CCDC178: variants seen among roughly 807,000 people sequenced by gnomAD.
The protein encoded by CCDC178 is coiled-coil domain containing 178, also known as coiled-coil domain-containing protein 178.
A neutral mutation model predicts 117.4 loss-of-function variants in CCDC178; 126 were observed. The observed-to-expected ratio is 1.07, with a 90% CI of 0.93 to 1.24. The LOEUF (loss-of-function observed/expected upper bound fraction) is 1.24. CCDC178 is among the 50% of genes most tolerant of loss of function. CCDC178 has a pLI of 0.00. For missense variants in CCDC178, 1,030 were observed against 986.9 expected (o/e 1.04, Z -0.59); for synonymous variants, 283 against 313.4 (o/e 0.90, Z 1.02).
At chr18:33,244,293 T>C (rs2059521663) in intron 15 of CCDC178, among the ~76,000 whole-genome samples, 1 of 151,856 alleles carries the variant, frequency 6.6e-6, no homozygotes, top group South Asian at 2.1e-4. Flanking sequence ...GACACGTATG[T>C]GTGTAAGATG....
intron 12 of CCDC178, among the ~76,000 whole-genome samples, chr18:33,280,208 C>G (rs2060004985): frequency 6.6e-6 from 1 of 152,060 alleles, no homozygotes; most frequent in Non-Finnish European, 1.5e-5. Flanking sequence ...ATTCATCTGA[C>G]AAAGGGCTAA....
intron 20 of CCDC178, among the ~76,000 whole-genome samples, chr18:33,130,966 T>C (rs554667404): frequency 2.6e-5 from 4 of 151,926 alleles, no homozygotes; most frequent in Non-Finnish European, 4.4e-5. Context: ...TTAGCTGGGA[T>C]GGGGAAGGCA....
chr18:32,987,511 A>C (rs568447426), intron 21 of CCDC178, among the ~76,000 whole-genome samples: 16 of 152,252 alleles, frequency 1.1e-4, no homozygotes, highest in African/African-American at 3.1e-4. Flanking sequence ...TCTAGCATAT[A>C]TATGTATATA....
At position 33,391,094 on chromosome 18, in the gene CCDC178, A is replaced by T. The variant is rs193083879; in HGVS notation, c.119-1465T>A. On this transcript the variant is annotated intron_variant, in intron 4 of 22. Coordinates refer to ENST00000383096, the MANE Select transcript of CCDC178 (RefSeq NM_001105528.4). ...AAATAGCTATTATAATATATAAATG[A>T]CTAAATTTACCCAAAAAGAACCAAA... Among the ~76,000 whole-genome samples the T allele has an allele frequency of 1.4e-3, 205 of 151,418 alleles. 1 individual carries two copies. Among genetic ancestry groups the T allele is most frequent in the African/African-American group, 4.5e-3 (188 of 41,512 alleles).
chr18:33,197,343 C>A (rs946505598), intron 20 of CCDC178, among the ~76,000 whole-genome samples: 1 of 152,042 alleles, frequency 6.6e-6, no homozygotes, highest in African/African-American at 2.4e-5. Flanking sequence ...GATCTTAGTA[C>A]CCAAAGAACA....
chr18:33,148,273 A>C (rs964476591), intron 20 of CCDC178, among the ~76,000 whole-genome samples: 6 of 152,142 alleles, frequency 3.9e-5, no homozygotes, highest in African/African-American at 9.7e-5. Context: ...AAAATATGAA[A>C]ACCAGTCAGG....
chr18:33,422,505 T>A (rs963124092), intron 2 of CCDC178, among the ~76,000 whole-genome samples: 1 of 152,188 alleles, frequency 6.6e-6, no homozygotes, highest in African/African-American at 2.4e-5. Flanking sequence ...AATAGAACTT[T>A]CATGATGAAA....
chr18:33,431,062 G>T (rs1227929814), intron 2 of CCDC178, among the ~76,000 whole-genome samples: 3 of 135,408 alleles, frequency 2.2e-5, no homozygotes, highest in African/African-American at 8.2e-5. Context: ...GCAACCGTGC[G>T]AGACTACGTC....
intron 10 of CCDC178, among the ~76,000 whole-genome samples, chr18:33,326,608 C>T (rs2062587974): frequency 6.6e-6 from 1 of 152,168 alleles, no homozygotes; most frequent in Admixed American, 6.5e-5. Context: ...AAGGGATTCC[C>T]AGAGTTGTTT....
intron 20 of CCDC178, among the ~76,000 whole-genome samples, chr18:33,199,571 T>C (rs1176366629): frequency 1.3e-5 from 2 of 152,230 alleles, no homozygotes; most frequent in African/African-American, 2.4e-5. Context: ...TTCTAACTTG[T>C]TGTCATCTGG....
chr18:33,157,971 T>C (rs1366145925), intron 20 of CCDC178, among the ~76,000 whole-genome samples: 1 of 152,118 alleles, frequency 6.6e-6, no homozygotes, highest in African/African-American at 2.4e-5. Flanking sequence ...CTTTTTCTTT[T>C]CCACTGGATT....
intron 19 of CCDC178, among the ~76,000 whole-genome samples, chr18:33,215,278 A>C (rs558570853): frequency 3.3e-5 from 5 of 152,064 alleles, no homozygotes; most frequent in Admixed American, 6.6e-5. Flanking sequence ...GAATATTATT[A>C]ATGTCATAAA....
intron 12 of CCDC178, among the ~76,000 whole-genome samples, chr18:33,270,233 T>C (rs771176943): frequency 6.6e-6 from 1 of 151,402 alleles, no homozygotes; most frequent in Non-Finnish European, 1.5e-5. Context: ...AGATTCATAG[T>C]TGTGTGACAT....
chr18:33,190,728 G>C (rs2058847533), intron 20 of CCDC178, among the ~76,000 whole-genome samples: 1 of 152,166 alleles, frequency 6.6e-6, no homozygotes, highest in African/African-American at 2.4e-5. Context: ...TCATACTGGA[G>C]AAGCTAAGTG....
chr18:33,115,729 C>T (rs936471122), intron 20 of CCDC178, among the ~76,000 whole-genome samples: 1 of 151,910 alleles, frequency 6.6e-6, no homozygotes, highest in African/African-American at 2.4e-5. Context: ...CTATAGTGAC[C>T]ATAGTAGTTC....
intron 21 of CCDC178, among the ~76,000 whole-genome samples, chr18:33,007,680 C>A (rs989119469): frequency 6.6e-6 from 1 of 152,050 alleles, no homozygotes; most frequent in South Asian, 2.1e-4. Context: ...AAGACTGCAC[C>A]TAAGTACATA....
chr18:33,185,850 C>T (rs561357057), intron 20 of CCDC178, among the ~76,000 whole-genome samples: 15 of 151,914 alleles, frequency 9.9e-5, no homozygotes, highest in Admixed American at 7.2e-4. Flanking sequence ...TAGTTTCCAA[C>T]GTTATTTTCT....
chr18:33,087,895 C>T (rs2057405155), intron 21 of CCDC178, among the ~76,000 whole-genome samples: 1 of 151,866 alleles, frequency 6.6e-6, no homozygotes, highest in South Asian at 2.1e-4. Context: ...CTAAGCACAT[C>T]GATACAAAGT....
chr18:33,429,614 C>T (rs1000107950), intron 2 of CCDC178, among the ~76,000 whole-genome samples: 2 of 152,072 alleles, frequency 1.3e-5, no homozygotes, highest in Admixed American at 6.5e-5. Context: ...ATAAATATTA[C>T]ACATTCGTCT....
Sources: gnomAD v4.1 joint callset for allele counts (sites outside exome capture counted in the v4.1 genomes callset) on GRCh38, gnomAD v4.1.1 for gene constraint, MANE v1.5 for transcripts, NCBI Gene and HGNC (gene_info 2026-07-23, HGNC 2026-07-21) for gene names.